DAPK2: variants seen among roughly 807,000 people sequenced by gnomAD.
DAPK2 encodes death-associated protein kinase 2.
Under a neutral mutation model 44.1 loss-of-function variants are expected in DAPK2, and 35 were observed. The observed-to-expected ratio is 0.79, with a 90% CI of 0.61 to 1.05. The LOEUF (loss-of-function observed/expected upper bound fraction) is 1.05. DAPK2 is among the 50% of genes least tolerant of loss of function. The probability of loss-of-function intolerance (pLI) is 0.00; values close to 1 mark genes in which losing one functional copy is unlikely to be tolerated. For missense variants in DAPK2, 453 were observed against 483.2 expected, an observed-to-expected ratio of 0.94 and a Z score of 0.59; for synonymous variants, 174 against 182.6, an observed-to-expected ratio of 0.95 and a Z score of 0.38.
intron 2 of DAPK2, among the ~76,000 whole-genome samples, chr15:63,978,380 A>C (rs908400513): frequency 7.2e-5 from 11 of 152,212 alleles, no homozygotes; most frequent in Non-Finnish European, 1.5e-5. Flanking sequence ...TCAGTGTAAA[A>C]GCTTCTTAGC....
chr15:63,981,883 A>G (rs2078526731), intron 2 of DAPK2, among the ~76,000 whole-genome samples: 1 of 152,172 alleles, frequency 6.6e-6, no homozygotes, highest in Non-Finnish European at 1.5e-5. Context: ...GCAATTCTAT[A>G]CATTTAAACA....
At chr15:63,947,097 A>G (rs1174780898) in intron 3 of DAPK2, among the ~76,000 whole-genome samples, 2 of 151,214 alleles carry the variant, frequency 1.3e-5, no homozygotes, top group Non-Finnish European at 2.9e-5. Flanking sequence ...TCCCTCTGCT[A>G]CCTCTCTGCT....
intron 4 of DAPK2, chr15:63,935,575 C>T (rs1427342103): frequency 6.6e-6 from 1 of 152,008 alleles, no homozygotes; most frequent in African/African-American, 2.4e-5. Context: ...GTCTTGGTAC[C>T]CTTCAGTTTC....
At chr15:63,909,521 G>C (rs2078731148) in intron 10 of DAPK2, 1 of 152,122 alleles carries the variant, frequency 6.6e-6, no homozygotes, top group Non-Finnish European at 1.5e-5. Context: ...ATTCTTTTTG[G>C]CTGGGCGTGG....
At chr15:63,937,667 C>T (rs557893819) in intron 4 of DAPK2, among the ~76,000 whole-genome samples, 1 of 152,298 alleles carries the variant, frequency 6.6e-6, no homozygotes, top group Non-Finnish European at 1.5e-5. Context: ...TTGACTTTGC[C>T]AGAGTGGGTA....
intron 3 of DAPK2, among the ~76,000 whole-genome samples, chr15:63,945,988 C>T (rs2077439964): frequency 6.6e-6 from 1 of 152,214 alleles, no homozygotes; most frequent in South Asian, 2.1e-4. Flanking sequence ...TGTCATTCTC[C>T]TCCAGCTTTA....
intron 1 of DAPK2, among the ~76,000 whole-genome samples, chr15:64,015,631 T>C (rs2141045334): frequency 6.6e-6 from 1 of 152,312 alleles, no homozygotes; most frequent in Non-Finnish European, 1.5e-5. Flanking sequence ...GATCTTAAGA[T>C]GAGATCATTC....
chr15:63,957,050 T>C (rs1367050747), intron 3 of DAPK2, among the ~76,000 whole-genome samples: 3 of 152,388 alleles, frequency 2.0e-5, no homozygotes, highest in South Asian at 2.1e-4. Flanking sequence ...CTATGTTTCT[T>C]TGTTGATTTT....
chr15:63,973,807 T>C (rs559532455), intron 2 of DAPK2, among the ~76,000 whole-genome samples: 38 of 152,140 alleles, frequency 2.5e-4, no homozygotes, highest in Non-Finnish European at 4.7e-4. Flanking sequence ...GCGGAACAAA[T>C]GCTGTGCCAG....
At chr15:63,971,376 C>T (rs748737666) in intron 3 of DAPK2, 47 bp downstream of exon 4, 1 of 1,606,592 alleles carries the variant, frequency 6.2e-7, no homozygotes, top group Non-Finnish European at 8.5e-7. Context: ...AGGGACTAAG[C>T]CTCTTCTTCC....
chr15:64,012,735 G>A (rs138612910), intron 1 of DAPK2, among the ~76,000 whole-genome samples: 97 of 152,308 alleles, frequency 6.4e-4, no homozygotes, highest in Non-Finnish European at 1.1e-3. Context: ...ACAATTTCTG[G>A]AAGGATATAC....
intron 1 of DAPK2, among the ~76,000 whole-genome samples, chr15:64,000,860 C>T (rs1469004731): frequency 1.3e-5 from 2 of 152,004 alleles, no homozygotes; most frequent in East Asian, 3.9e-4. Flanking sequence ...CAATCCTTCT[C>T]TTCTTCAAAA....
intron 1 of DAPK2, among the ~76,000 whole-genome samples, chr15:64,002,974 CTGT>C: frequency 1.9e-5 from 1 of 51,638 alleles, no homozygotes; most frequent in African/African-American, 5.2e-5. Flanking sequence ...GTCGTGGGAC[CTGT>C]GTGTGTGTGT....
chr15:63,994,132 C>A (rs149920090), intron 1 of DAPK2, among the ~76,000 whole-genome samples: 371 of 152,298 alleles, frequency 2.4e-3, no homozygotes, highest in African/African-American at 8.6e-3. Flanking sequence ...GGGCATTCAT[C>A]TTGGCACTCA....
At chr15:63,985,795 C>T (rs2078653255) in intron 1 of DAPK2, among the ~76,000 whole-genome samples, 1 of 152,222 alleles carries the variant, frequency 6.6e-6, no homozygotes, top group South Asian at 2.1e-4. Context: ...GTTGTTTCCC[C>T]TTCCTCTTAT....
chr15:63,975,635 G>A (rs1042171584), intron 2 of DAPK2, among the ~76,000 whole-genome samples: 1 of 148,740 alleles, frequency 6.7e-6, no homozygotes. Flanking sequence ...GTCTCATTCT[G>A]TTGCCCAGGC....
intron 3 of DAPK2, among the ~76,000 whole-genome samples, chr15:63,967,483 C>T (rs1251085382): frequency 6.6e-6 from 1 of 152,060 alleles, no homozygotes; most frequent in Admixed American, 6.5e-5. Flanking sequence ...CTGAGGTCAG[C>T]AGTTCAAGAC....
intron 7 of DAPK2, among the ~76,000 whole-genome samples, chr15:63,925,062 C>A (rs1433889990): frequency 6.6e-6 from 1 of 152,164 alleles, no homozygotes; most frequent in African/African-American, 2.4e-5. Context: ...CAGACAGACC[C>A]CTCAATAGAG....
At chr15:63,947,949 G>T (rs1311733608) in intron 3 of DAPK2, among the ~76,000 whole-genome samples, 1 of 151,992 alleles carries the variant, frequency 6.6e-6, no homozygotes, top group African/African-American at 2.4e-5. Context: ...TTCCCCACTT[G>T]TATTAGTCCA....
Sources: gnomAD v4.1 joint callset for allele counts (sites outside exome capture counted in the v4.1 genomes callset) on GRCh38, gnomAD v4.1.1 for gene constraint, MANE v1.5 for transcripts, NCBI Gene and HGNC (gene_info 2026-07-23, HGNC 2026-07-21) for gene names.